The following SLC9A6 variants were observed in gnomAD, a reference collection of about 807,000 sequenced individuals.
SLC9A6 encodes the protein solute carrier family 9 member A6, also known as sodium/hydrogen exchanger 6.
In SLC9A6, 6 loss-of-function variants were observed where a neutral mutation model predicts 45.3. That is an observed-to-expected ratio of 0.13 (90% CI 0.07 to 0.26). The LOEUF (loss-of-function observed/expected upper bound fraction) is 0.26. SLC9A6 is among the 10% of genes least tolerant of loss of function. The pLI is 1.00. For synonymous variants in SLC9A6, 191 were observed against 187.7 expected (o/e 1.02, Z -0.14); for missense variants, 278 against 503.7 (o/e 0.55, Z 4.29).
chrX:136,020,886 A>T (rs2071115006), intron 11 of SLC9A6, among the ~76,000 whole-genome samples: 1 of 101,620 alleles, frequency 9.8e-6, no homozygotes, highest in Admixed American at 1.1e-4. Flanking sequence ...GTACTTCCTT[A>T]CTCCCTGGAA....
chrX:136,038,182 C>T (rs1282326885), intron 16 of SLC9A6, among the ~76,000 whole-genome samples: 3 of 111,536 alleles, frequency 2.7e-5, no homozygotes, highest in Non-Finnish European at 3.8e-5. Context: ...TGGATATATC[C>T]TTTAGCAGGT....
chrX:136,035,740 TTTTGTTTGTTTGTTTG>T (rs782184098), intron 16 of SLC9A6, among the ~76,000 whole-genome samples: 1 of 109,918 alleles, frequency 9.1e-6, no homozygotes, highest in Non-Finnish European at 1.9e-5. Flanking sequence ...TTAACGTGTT[TTTTGTTTGTTTGTTTG>T]TTTGTTTGTT....
At position 135,990,770 on chromosome X, in the gene SLC9A6, T is replaced by A. The variant is rs556522195; in HGVS notation, c.170-4016T>A. Among the ~76,000 whole-genome samples the A allele has an allele frequency of 1.8e-4, 20 of 110,051 alleles. No individual in the cohort carries two copies. The South Asian group carries it at 4.3e-3, about 24-fold the overall frequency. On this transcript the variant is annotated intron_variant, in intron 2 of 17. Coordinates refer to ENST00000630721, the MANE Select transcript of SLC9A6 (RefSeq NM_001379110.1). ...ACCTCAGCAACAGAGTAGGACTCCG[T>A]CTCAAAAATAAATAAATAAATAAAA... is the stretch of plus-strand genomic sequence containing the variant.
upstream of SLC9A6, chrX:135,985,432 C>G: frequency 1.3e-6 from 1 of 796,329 alleles, no homozygotes; most frequent in Non-Finnish European, 1.6e-6. Context: ...GCCCCTTTCC[C>G]GTGAGCCCTC....
chrX:136,003,504 T>C (rs1487481411), intron 7 of SLC9A6, among the ~76,000 whole-genome samples: 2 of 112,229 alleles, frequency 1.8e-5, no homozygotes, highest in East Asian at 5.6e-4. Flanking sequence ...TATTGTTTAT[T>C]TGCTCAGTCT....
At chrX:135,996,647 A>G (rs2089501105) in intron 3 of SLC9A6, among the ~76,000 whole-genome samples, 1 of 112,317 alleles carries the variant, frequency 8.9e-6, no homozygotes, top group African/African-American at 3.2e-5. Context: ...GATGTTATCT[A>G]TGTAAGAAAT....
Position 136,012,847 on chromosome X carries a change from A to G in SLC9A6, c.886-102A>G, listed in dbSNP as rs188842217. On this transcript the variant is annotated intron_variant, in intron 8 of 17. Coordinates refer to ENST00000630721, the MANE Select transcript of SLC9A6 (RefSeq NM_001379110.1). ...TATTCTGAGATTTCTGTGTTAGAGA[A>G]GCTAGAGAACCTTTCTTTCATGGTT... is the stretch of plus-strand genomic sequence containing the variant. 3.9e-4 allele frequency: 231 copies of G among 597,601 alleles called. 1 individual carries two copies. In the African/African-American group the frequency reaches 4.3e-3, roughly 11 times the overall value. 49.2% of individuals were successfully genotyped at this position (597,601 alleles called of 1,213,427 possible). A position where few individuals can be genotyped will look rare whatever the true frequency, so the allele number is the denominator to read the frequency against.
chrX:135,993,722 C>T (rs1341237529), intron 2 of SLC9A6, among the ~76,000 whole-genome samples: 1 of 109,736 alleles, frequency 9.1e-6, no homozygotes, highest in Non-Finnish European at 1.9e-5. Context: ...ACCCGGGAGG[C>T]GGAGGTTGCA....
At chrX:136,042,260 T>C (rs781977568) in intron 17 of SLC9A6, among the ~76,000 whole-genome samples, 2 of 109,161 alleles carry the variant, frequency 1.8e-5, no homozygotes, top group Non-Finnish European at 1.9e-5. Flanking sequence ...CTGCAACCTC[T>C]ACCTCTCAGG....
chrX:136,023,954 A>G (rs965182628), intron 12 of SLC9A6, among the ~76,000 whole-genome samples: 2 of 110,104 alleles, frequency 1.8e-5, no homozygotes, highest in Non-Finnish European at 1.9e-5. Flanking sequence ...CAGTGGTACA[A>G]TCTCAGCTCA....
intron 15 of SLC9A6, among the ~76,000 whole-genome samples, chrX:136,032,052 CTTATTTAT>C (rs782510667): frequency 1.8e-5 from 2 of 111,872 alleles, no homozygotes; most frequent in Admixed American, 9.5e-5. Context: ...TGCTTGCTTG[CTTATTTAT>C]TTATTTATTT....
At chrX:136,007,935 T>TA (rs1355347566) in intron 7 of SLC9A6, among the ~76,000 whole-genome samples, 1 of 111,321 alleles carries the variant, frequency 9.0e-6, no homozygotes, top group East Asian at 2.8e-4. Context: ...GTATGATCAT[T>TA]AAAAAAATTG....
chrX:135,988,264 A>C (rs1424185898), intron 2 of SLC9A6, among the ~76,000 whole-genome samples: 1 of 111,782 alleles, frequency 8.9e-6, no homozygotes, highest in Non-Finnish European at 1.9e-5. Flanking sequence ...CAAGAGTGTT[A>C]GTCTGGGAGT....
Position 135,990,096 on chromosome X carries a change from C to T in SLC9A6, c.169+4269C>T, listed in dbSNP as rs189905483. Among the ~76,000 whole-genome samples, 234 of 111,484 alleles carry T rather than the reference C, an allele frequency of 2.1e-3. 1 individual carries two copies. Among genetic ancestry groups the T allele is most frequent in the Non-Finnish European group, 3.1e-3 (162 of 53,058 alleles). ...CGCCTCCTGGGTTCATGCCATTCTT[C>T]TGCCTCAGCCTCCCGAGTAGCTGGG... On this transcript the variant is annotated intron_variant, in intron 2 of 17. Coordinates refer to ENST00000630721, the MANE Select transcript of SLC9A6 (RefSeq NM_001379110.1).
At chrX:135,986,581 A>G in intron 2 of SLC9A6, among the ~76,000 whole-genome samples, 1 of 111,631 alleles carries the variant, frequency 9.0e-6, no homozygotes, top group East Asian at 2.8e-4. Context: ...GTTCAGACAA[A>G]CAGTAATTAC....
At chrX:135,973,967 G>A, upstream of SLC9A6, 2 of 1,054,874 alleles carry the variant, frequency 1.9e-6, no homozygotes, top group Non-Finnish European at 2.5e-6. Context: ...GGCGAAAGCG[G>A]GAGCTACGGG....
At chrX:135,988,606 T>G (rs1273585557) in intron 2 of SLC9A6, among the ~76,000 whole-genome samples, 1 of 108,079 alleles carries the variant, frequency 9.3e-6, no homozygotes, top group African/African-American at 3.4e-5. Context: ...TTCTTTTTCC[T>G]TTTTTTATTT....
chrX:136,004,080 C>CTTT (rs782804669), intron 7 of SLC9A6, among the ~76,000 whole-genome samples: 14 of 66,239 alleles, frequency 2.1e-4, no homozygotes, highest in Non-Finnish European at 3.1e-4. Flanking sequence ...CCTCCCTAAT[C>CTTT]TTTTTTTTTT....
chrX:136,040,395 T>C (rs1377300301), intron 17 of SLC9A6, among the ~76,000 whole-genome samples: 1 of 112,256 alleles, frequency 8.9e-6, no homozygotes, highest in Non-Finnish European at 1.9e-5. Flanking sequence ...TGAAAACAGA[T>C]ATAGAATCGT....
Sources: allele counts gnomAD v4.1 joint callset (sites outside exome capture counted in the v4.1 genomes callset), GRCh38; gene constraint gnomAD v4.1.1; transcripts MANE v1.5; gene names NCBI Gene and HGNC (gene_info 2026-07-23, HGNC 2026-07-21).